CHST12: variants seen among roughly 807,000 people sequenced by gnomAD.
CHST12 encodes carbohydrate sulfotransferase 12.
A neutral mutation model predicts 27.9 loss-of-function variants in CHST12; 23 were observed. The observed-to-expected ratio is 0.82, with a 90% CI of 0.59 to 1.17. The LOEUF (loss-of-function observed/expected upper bound fraction) is 1.17, where lower values mean the gene tolerates loss of function less well. Among genes scored for constraint, CHST12 ranks in the 50% most tolerant of loss-of-function variants. The pLI is 0.00. For missense variants in CHST12, 682 were observed against 603.0 expected (o/e 1.13, Z -1.37); for synonymous variants, 322 against 273.0 (o/e 1.18, Z -1.77).
chr7:2,422,866 C>CTTTT (rs576927497), intron 1 of CHST12, among the ~76,000 whole-genome samples: 1 of 136,924 alleles, frequency 7.3e-6, no homozygotes, highest in Non-Finnish European at 1.6e-5. Flanking sequence ...TTCAGAAAAC[C>CTTTT]TTTTTTTTTT....
chr7:2,418,908 C>A (rs996452867), intron 1 of CHST12, among the ~76,000 whole-genome samples: 2 of 152,172 alleles, frequency 1.3e-5, no homozygotes, highest in African/African-American at 4.8e-5. Context: ...GCCATTTTCC[C>A]ACTTCAGCCT....
In CHST12 at chr7:2,441,911, C is replaced by G. The variant is rs1015031678; in HGVS notation, c.*8027C>G. On this transcript the variant is annotated 3_prime_UTR_variant, in exon 2 of 2. Coordinates refer to ENST00000618655, the MANE Select transcript of CHST12 (RefSeq NM_018641.5). ...TGCAACATAAAATGTGCCCTCTTCCCCATTTTTAAGTGAACAGTTCAGTGG... is the reference window on the plus strand; with the variant it reads ...TGCAACATAAAATGTGCCCTCTTCCGCATTTTTAAGTGAACAGTTCAGTGG... The G allele has an allele frequency of 6.6e-6, 1 of 152,070 alleles. No homozygotes were observed. The highest frequency in any genetic ancestry group is 2.4e-5 in the African/African-American group (1 of 41,386). The allele number at this position is 152,070 out of a possible 1,614,324, so 9.4% of individuals were successfully genotyped here.
At chr7:2,409,298 C>T (rs932646793) in intron 1 of CHST12, among the ~76,000 whole-genome samples, 1 of 152,092 alleles carries the variant, frequency 6.6e-6, no homozygotes, top group Non-Finnish European at 1.5e-5. Flanking sequence ...TGAAGGCAGA[C>T]ATTAAAAGAA....
chr7:2,429,675 A>G (rs1282996607), intron 1 of CHST12, among the ~76,000 whole-genome samples: 1 of 152,138 alleles, frequency 6.6e-6, no homozygotes, highest in Non-Finnish European at 1.5e-5. Flanking sequence ...TGTTTGTAAT[A>G]GTTCCTTATC....
rs561636399 is a variant in CHST12 at position 2,438,848 on chromosome 7, C to G, written c.*4964C>G. ...GAGCCATTGTGTCCCATGGTTGATA[C>G]GGGACGGGGCTGATTTCCTGACCTG... is the stretch of plus-strand genomic sequence containing the variant. On this transcript the variant is annotated 3_prime_UTR_variant, in exon 2 of 2. Transcript: ENST00000618655. The G allele has an allele frequency of 6.8e-6, 1 of 146,916 alleles. No homozygotes were observed. The highest frequency in any genetic ancestry group is 2.7e-5 in the African/African-American group (1 of 36,398). 9.1% of individuals were successfully genotyped at this position (146,916 alleles called of 1,614,324 possible).
In CHST12 at chr7:2,440,851, G is replaced by C. The variant is rs1039433391; in HGVS notation, c.*6967G>C. On this transcript the variant is annotated 3_prime_UTR_variant, in exon 2 of 2. Coordinates refer to ENST00000618655, the MANE Select transcript of CHST12 (RefSeq NM_018641.5). ...AGTCAACGATACTTCTTGTGCTGTC[G>C]TTTCTCCGGCCGTGTGAAGTTACCA... 1 of 152,160 alleles carries C rather than the reference G, an allele frequency of 6.6e-6. No homozygotes were observed. The highest frequency in any genetic ancestry group is 2.4e-5 in the African/African-American group (1 of 41,434). 9.4% of individuals were successfully genotyped at this position (152,160 alleles called of 1,614,324 possible). A position where few individuals can be genotyped will look rare whatever the true frequency, so the allele number is the denominator to read the frequency against.
In CHST12 at chr7:2,433,027, G is replaced by C. The variant is rs11537796; in HGVS notation, c.388G>C (p.Gly130Arg). Reference sequence around the variant, plus strand: ...GGCGGAGCGGAGGAGCGTGCTGCGGGGCTTCTGCGCCAACTCCAGCCTGGC... The same window carrying C: ...GGCGGAGCGGAGGAGCGTGCTGCGGCGCTTCTGCGCCAACTCCAGCCTGGC... ...QQAERRSVLR[G>R]FCANSSLAFP... is the part of the protein sequence containing the mutation. Residue 130 changes from glycine to arginine, a missense_variant, in exon 2 of 2, where the codon GGC becomes CGC. Physicochemically the swap from Gly to Arg is moderately radical, Grantham distance 125. Transcript: ENST00000618655. This position sits in a 1 kb window ranked among gnomAD's most constrained non-coding sequence, Gnocchi z 6.1. 5.1e-3 allele frequency: 8,139 copies of C among 1,611,282 alleles called. 384 individuals are homozygous for C. In the African/African-American group the frequency reaches 0.094, roughly 19 times the overall value.
chr7:2,439,399 C>G lies in CHST12; in HGVS notation c.*5515C>G, dbSNP rs991799625. On this transcript the variant is annotated 3_prime_UTR_variant, in exon 2 of 2. Transcript: ENST00000618655. Reference sequence around the variant, plus strand: ...TAATTGGAGAATGTGTAATTTTTTCCCCTTTGGAAATAATTTGTTCTTTTT... The same window carrying G: ...TAATTGGAGAATGTGTAATTTTTTCGCCTTTGGAAATAATTTGTTCTTTTT... The G allele has an allele frequency of 6.6e-6, 1 of 151,860 alleles. No homozygotes were observed. Among genetic ancestry groups the G allele is most frequent in the African/African-American group, 2.4e-5 (1 of 41,336 alleles). 9.4% of individuals were successfully genotyped at this position (151,860 alleles called of 1,614,324 possible). A position where few individuals can be genotyped will look rare whatever the true frequency, so the allele number is the denominator to read the frequency against.
chr7:2,431,796 G>C (rs1583225106), intron 1 of CHST12, among the ~76,000 whole-genome samples: 3 of 152,096 alleles, frequency 2.0e-5, no homozygotes, highest in Non-Finnish European at 4.4e-5. Flanking sequence ...TTTTTCCATT[G>C]GCATTCGACT....
At position 2,439,034 on chromosome 7, in the gene CHST12, G is replaced by C. The variant is rs1782540941; in HGVS notation, c.*5150G>C. On this transcript the variant is annotated 3_prime_UTR_variant, in exon 2 of 2. Coordinates refer to ENST00000618655, the MANE Select transcript of CHST12 (RefSeq NM_018641.5). ...GGCCACCAGATCGGGGGCCGGGCCG[G>C]GGTGAGCACCTGAAGCCGGCTCCAC... 1 of 152,252 alleles carries C rather than the reference G, an allele frequency of 6.6e-6. No homozygotes were observed. Among genetic ancestry groups the C allele is most frequent in the Non-Finnish European group, 1.5e-5 (1 of 68,062 alleles). The allele number at this position is 152,252 out of a possible 1,614,324, so 9.4% of individuals were successfully genotyped here.
Position 2,442,354 on chromosome 7 carries a change from C to A in CHST12, c.*8470C>A, listed in dbSNP as rs936803074. 5.9e-5 allele frequency: 9 copies of A among 152,190 alleles called. No individual in the cohort carries two copies. Among genetic ancestry groups the A allele is most frequent in the African/African-American group, 2.2e-4 (9 of 41,432 alleles). The allele number at this position is 152,190 out of a possible 1,614,324, so 9.4% of individuals were successfully genotyped here. A position where few individuals can be genotyped will look rare whatever the true frequency, so the allele number is the denominator to read the frequency against. On this transcript the variant is annotated 3_prime_UTR_variant, in exon 2 of 2. Coordinates refer to ENST00000618655, the MANE Select transcript of CHST12 (RefSeq NM_018641.5). Reference sequence around the variant, plus strand: ...TGCTGTGAACACGGGTGTGCAGATACCTGTTCAAGTCCCTGCTGTTTTCTT... The same window carrying A: ...TGCTGTGAACACGGGTGTGCAGATAACTGTTCAAGTCCCTGCTGTTTTCTT...
Position 2,447,285 on chromosome 7 carries a change from C to T in CHST12, c.*13401C>T, listed in dbSNP as rs1056562690. On this transcript the variant is annotated 3_prime_UTR_variant, in exon 2 of 2. Coordinates refer to ENST00000618655, the MANE Select transcript of CHST12 (RefSeq NM_018641.5). Reference sequence around the variant, plus strand: ...CCCGGCCACTGGCTTCCTCCAAAGCCTCCTCCTCTTACATCAGCAAACCTT... The same window carrying T: ...CCCGGCCACTGGCTTCCTCCAAAGCTTCCTCCTCTTACATCAGCAAACCTT... The T allele has an allele frequency of 6.6e-6, 1 of 152,290 alleles. No homozygotes were observed. The highest frequency in any genetic ancestry group is 2.4e-5 in the African/African-American group (1 of 41,464). 9.4% of individuals were successfully genotyped at this position (152,290 alleles called of 1,614,324 possible).
chr7:2,434,767 AAAATAAAT>A lies in CHST12; in HGVS notation c.*893_*900del, dbSNP rs555026507. 2.0e-5 allele frequency: 3 copies of A among 151,550 alleles called. No homozygotes were observed. The highest frequency in any genetic ancestry group is 7.3e-5 in the African/African-American group (3 of 41,182). 9.4% of individuals were successfully genotyped at this position (151,550 alleles called of 1,614,324 possible). On this transcript the variant is annotated 3_prime_UTR_variant, in exon 2 of 2. Coordinates refer to ENST00000618655, the MANE Select transcript of CHST12 (RefSeq NM_018641.5). ...GGGTGACAGAGTGAGATTCCATCTC[AAAATAAAT>A]AAATAAATATTAATACATTATGGCT...
Position 2,433,793 on chromosome 7 carries a change from C to T in CHST12, c.1154C>T (p.Pro385Leu), listed in dbSNP as rs758945031. 2 of 1,614,128 alleles carry T rather than the reference C, an allele frequency of 1.2e-6. No individual in the cohort carries two copies. The highest frequency in any genetic ancestry group is 2.2e-5 in the South Asian group (2 of 91,078). ...GAGGAGGACTGGTTCGCCAAGATCC[C>T]CCTGGCCTGGAGGCAGCAGCTGTAT... Reference protein sequence around the residue: ...SWEEDWFAKIPLAWRQQLYKL... With the variant: ...SWEEDWFAKILLAWRQQLYKL... The change falls in exon 2 of 2, where the codon CCC (proline) becomes CTC (leucine). Residue 385 changes from proline to leucine, a missense_variant. Physicochemically the swap from Pro to Leu is moderately conservative, Grantham distance 98. Transcript: ENST00000618655. The surrounding 1 kb of genome is among the most constrained non-coding windows in gnomAD (Gnocchi z 6.1).
At chr7:2,411,020 G>A (rs753703658) in intron 1 of CHST12, among the ~76,000 whole-genome samples, 10 of 152,004 alleles carry the variant, frequency 6.6e-5, no homozygotes, top group Non-Finnish European at 1.5e-4. Flanking sequence ...GTAGGGCAGA[G>A]GGGACTTGAC....
intron 1 of CHST12, among the ~76,000 whole-genome samples, chr7:2,418,678 C>A (rs1180457193): frequency 6.6e-6 from 1 of 152,214 alleles, no homozygotes; most frequent in African/African-American, 2.4e-5. Flanking sequence ...CGGACCCTTC[C>A]CTGAATGCTT....
chr7:2,432,666 G>A lies in CHST12; in HGVS notation c.27G>A (p.Leu9=), dbSNP rs1453984250. The change falls in exon 2 of 2, where the codon CTG becomes CTA. Residue 9 remains leucine, a synonymous_variant. Coordinates refer to ENST00000618655, the MANE Select transcript of CHST12 (RefSeq NM_018641.5). MTKARLFR[L]WLVLGSVFMI... ...TGACCAAGGCCCGGCTGTTCCGGCT[G>A]TGGCTGGTGCTGGGGTCGGTGTTCA... is the stretch of plus-strand genomic sequence containing the variant. The A allele has an allele frequency of 5.6e-6, 9 of 1,611,642 alleles. No individual in the cohort carries two copies. The African/African-American group carries it at 8.0e-5, about 14-fold the overall frequency.
At chr7:2,405,489 G>A (rs987876805) in intron 1 of CHST12, among the ~76,000 whole-genome samples, 14 of 152,156 alleles carry the variant, frequency 9.2e-5, no homozygotes, top group Admixed American at 5.9e-4. Context: ...GCTGTGTGAG[G>A]GAGTTTAAAC....
rs1782514761 is a variant in CHST12, at chr7:2,438,051, G to GTGGGTC, written c.*4168_*4173dup. On this transcript the variant is annotated 3_prime_UTR_variant, in exon 2 of 2. Transcript: ENST00000618655. ...TGGAAGCTGTGGACATGGTCCTTGT[G>GTGGGTC]TGGGTCCAAGCAAAGTGGGTGGCGT... 6.6e-6 allele frequency: 1 copy of GTGGGTC among 152,388 alleles called. No individual in the cohort carries two copies. Among genetic ancestry groups the GTGGGTC allele is most frequent in the African/African-American group, 2.4e-5 (1 of 41,440 alleles). 9.4% of individuals were successfully genotyped at this position (152,388 alleles called of 1,614,324 possible).
Sources: gnomAD v4.1 joint callset for allele counts (sites outside exome capture counted in the v4.1 genomes callset) on GRCh38, gnomAD v4.1.1 for gene constraint, Gnocchi (gnomAD v3.1) non-coding constraint, MANE v1.5 for transcripts, NCBI Gene and HGNC (gene_info 2026-07-23, HGNC 2026-07-21) for gene names.